The following NEGR1 variants were observed in gnomAD, a reference collection of about 807,000 sequenced individuals.
NEGR1 encodes neuronal growth regulator 1.
A neutral mutation model predicts 40.9 loss-of-function variants in NEGR1; 10 were observed. The ratio of observed to expected loss-of-function variants is 0.24; its 90% CI spans 0.15 to 0.42. NEGR1 has a LOEUF of 0.42. Among genes scored for constraint, NEGR1 ranks in the 10% least tolerant of loss-of-function variants. NEGR1 has a pLI of 1.00. For missense variants in NEGR1, 352 were observed against 438.9 expected, an observed-to-expected ratio of 0.80 and a Z score of 1.77; for synonymous variants, 185 against 166.8, an observed-to-expected ratio of 1.11 and a Z score of -0.84.
chr1:71,661,741 T>A (rs927817891), intron 4 of NEGR1, among the ~76,000 whole-genome samples: 3 of 152,200 alleles, frequency 2.0e-5, no homozygotes, highest in Non-Finnish European at 4.4e-5. Flanking sequence ...TACTACCATC[T>A]AGCCTAACTA....
Position 72,220,743 on chromosome 1 carries a change from G to C in NEGR1, c.176+61576C>G, listed in dbSNP as rs1349076826. 2.0e-5 allele frequency among the ~76,000 whole-genome samples: 3 copies of C among 151,958 alleles called. No homozygotes were observed. The South Asian group carries it at 6.2e-4, about 32-fold the overall frequency. On this transcript the variant is annotated intron_variant, in intron 1 of 6. Coordinates refer to ENST00000357731, the MANE Select transcript of NEGR1 (RefSeq NM_173808.3). The stretch of plus-strand genomic sequence containing the variant: ...ATTATTTAGGACTTTGTAGGAGCTA[G>C]TTTGGAAATGAACTACTATTTAAAC...
intron 1 of NEGR1, among the ~76,000 whole-genome samples, chr1:71,992,420 T>C (rs1023176472): frequency 1.3e-5 from 2 of 152,134 alleles, no homozygotes; most frequent in Non-Finnish European, 2.9e-5. Context: ...AGAATGGCAC[T>C]ACCCAGTTGA....
At chr1:72,099,118 T>A (rs998542135) in intron 1 of NEGR1, among the ~76,000 whole-genome samples, 1 of 151,888 alleles carries the variant, frequency 6.6e-6, no homozygotes, top group South Asian at 2.1e-4. Flanking sequence ...TATTAGAGAG[T>A]ATCTCTAATT....
At chr1:71,627,071 T>A (rs991596419) in intron 4 of NEGR1, among the ~76,000 whole-genome samples, 3 of 152,166 alleles carry the variant, frequency 2.0e-5, no homozygotes, top group Non-Finnish European at 4.4e-5. Flanking sequence ...GTTCAACCAT[T>A]GTGGAAGTCA....
intron 1 of NEGR1, among the ~76,000 whole-genome samples, chr1:72,104,853 C>CAACT (rs1469426569): frequency 1.3e-5 from 2 of 152,070 alleles, no homozygotes; most frequent in African/African-American, 4.8e-5. Flanking sequence ...TAAACAAACA[C>CAACT]AACTACTCTT....
At chr1:71,790,376 G>A (rs1305752193) in intron 2 of NEGR1, among the ~76,000 whole-genome samples, 3 of 152,056 alleles carry the variant, frequency 2.0e-5, no homozygotes, top group South Asian at 2.1e-4. Flanking sequence ...AAACTATACC[G>A]GAGGTCAGGT....
chr1:72,251,704 G>GTT (rs1196720757), intron 1 of NEGR1, among the ~76,000 whole-genome samples: 1 of 151,830 alleles, frequency 6.6e-6, no homozygotes, highest in Non-Finnish European at 1.5e-5. Flanking sequence ...CATAATCATT[G>GTT]TTTTTTTTCC....
At position 72,243,664 on chromosome 1, in the gene NEGR1, A is replaced by T. The variant is rs536349357; in HGVS notation, c.176+38655T>A. On this transcript the variant is annotated intron_variant, in intron 1 of 6. Coordinates refer to ENST00000357731, the MANE Select transcript of NEGR1 (RefSeq NM_173808.3). ...AATGAGTGAAAAAACAAAAACTACA[A>T]ATTGATTACAATTATAACAAATTAT... 1.1e-3 allele frequency among the ~76,000 whole-genome samples: 166 copies of T among 151,868 alleles called. 1 individual carries two copies. The highest frequency in any genetic ancestry group is 3.9e-3 in the African/African-American group (163 of 41,528).
chr1:71,931,267 T>A (rs1410080054), intron 2 of NEGR1, among the ~76,000 whole-genome samples: 1 of 152,176 alleles, frequency 6.6e-6, no homozygotes, highest in Admixed American at 6.6e-5. Context: ...TGAAAGGGAA[T>A]GAGTTGAACA....
intron 2 of NEGR1, among the ~76,000 whole-genome samples, chr1:71,815,060 T>G (rs1021342904): frequency 6.6e-6 from 1 of 152,140 alleles, no homozygotes; most frequent in African/African-American, 2.4e-5. Context: ...TTAATTTCCC[T>G]CTTAACACTG....
At chr1:71,511,857 T>C (rs536361372) in intron 6 of NEGR1, among the ~76,000 whole-genome samples, 1 of 152,338 alleles carries the variant, frequency 6.6e-6, no homozygotes, top group African/African-American at 2.4e-5. Context: ...CCCATCTTTC[T>C]TTATGTTCAA....
intron 3 of NEGR1, among the ~76,000 whole-genome samples, chr1:71,741,343 C>A (rs1423532300): frequency 6.6e-6 from 1 of 152,190 alleles, no homozygotes; most frequent in East Asian, 1.9e-4. Flanking sequence ...ATGAATATCA[C>A]AACTGTATCT....
chr1:71,952,996 C>T (rs1570547427), intron 1 of NEGR1, among the ~76,000 whole-genome samples: 2 of 150,758 alleles, frequency 1.3e-5, no homozygotes, highest in Admixed American at 1.3e-4. Flanking sequence ...AATACTACTG[C>T]TTACTAACAG....
At chr1:72,227,147 G>A (rs1407834111) in intron 1 of NEGR1, among the ~76,000 whole-genome samples, 2 of 152,006 alleles carry the variant, frequency 1.3e-5, no homozygotes, top group African/African-American at 2.4e-5. Context: ...CAAAAAATGA[G>A]TTAATTTTCT....
At chr1:71,552,446 C>T (rs1648117719) in intron 6 of NEGR1, among the ~76,000 whole-genome samples, 1 of 149,242 alleles carries the variant, frequency 6.7e-6, no homozygotes, top group Admixed American at 6.7e-5. Flanking sequence ...CCATGGTCGG[C>T]CCCTGCACTA....
At chr1:72,057,188 T>G (rs1237216417) in intron 1 of NEGR1, among the ~76,000 whole-genome samples, 1 of 151,640 alleles carries the variant, frequency 6.6e-6, no homozygotes, top group East Asian at 1.9e-4. Context: ...ATGGATAAAA[T>G]AATTAATTAC....
At chr1:72,214,983 A>G (rs533803522) in intron 1 of NEGR1, among the ~76,000 whole-genome samples, 26 of 152,132 alleles carry the variant, frequency 1.7e-4, no homozygotes, top group Non-Finnish European at 2.9e-5. Context: ...TGTTACAGTA[A>G]CCAAAACAGC....
chr1:72,155,235 A>G (rs972422751), intron 1 of NEGR1, among the ~76,000 whole-genome samples: 2 of 152,008 alleles, frequency 1.3e-5, no homozygotes, highest in Non-Finnish European at 2.9e-5. Flanking sequence ...ATCTCTCTTT[A>G]GTAATAAAAC....
intron 1 of NEGR1, among the ~76,000 whole-genome samples, chr1:72,041,443 T>C (rs1646953342): frequency 6.6e-6 from 1 of 150,836 alleles, no homozygotes; most frequent in African/African-American, 2.4e-5. Context: ...TTTTTTTTTT[T>C]TTTGTCTCCT....
Sources: allele counts gnomAD v4.1 joint callset (sites outside exome capture counted in the v4.1 genomes callset), GRCh38; gene constraint gnomAD v4.1.1; transcripts MANE v1.5; gene names NCBI Gene and HGNC (gene_info 2026-07-23, HGNC 2026-07-21).